Variants in PUS10 observed in about 807,000 individuals in gnomAD.
PUS10 encodes the protein tRNA pseudouridine synthase Pus10.
Under a neutral mutation model 75.0 loss-of-function variants are expected in PUS10, and 59 were observed. That is an observed-to-expected ratio of 0.79 (90% CI 0.64 to 0.98). PUS10 has a LOEUF of 0.98. Among genes scored for constraint, PUS10 ranks in the 50% least tolerant of loss-of-function variants. PUS10 has a pLI of 0.00. For missense variants in PUS10, 650 were observed against 614.4 expected (o/e 1.06, Z -0.61); for synonymous variants, 219 against 211.6 (o/e 1.03, Z -0.30).
rs892219486 is a variant in PUS10, at chr2:60,940,711, T to C, written c.*1684A>G. The C allele has an allele frequency of 6.6e-6, 1 of 152,324 alleles. No homozygotes were observed. Among genetic ancestry groups the C allele is most frequent in the Non-Finnish European group, 1.5e-5 (1 of 68,014 alleles). 9.4% of individuals were successfully genotyped at this position (152,324 alleles called of 1,614,324 possible). On this transcript the variant is annotated 3_prime_UTR_variant, in exon 18 of 18. Transcript: ENST00000316752. ...ATTCAAAGGTAAGCCAAAAATACCA[T>C]GCAAAAGACTGCCTCCTAAATTATT... is the stretch of plus-strand genomic sequence containing the variant.
chr2:60,989,095 C>T (rs766103831), intron 4 of PUS10, among the ~76,000 whole-genome samples: 4 of 152,118 alleles, frequency 2.6e-5, no homozygotes, highest in South Asian at 4.1e-4. Flanking sequence ...ACTTAGCAGA[C>T]ATCCCAAAAG....
Position 61,000,462 on chromosome 2 carries a change from A to G in PUS10, c.468+6095T>C, listed in dbSNP as rs1196625911. Among the ~76,000 whole-genome samples, 4 of 152,348 alleles carry G rather than the reference A, an allele frequency of 2.6e-5. No homozygotes were observed. In the East Asian group the frequency reaches 7.7e-4, roughly 29 times the overall value. Reference sequence around the variant, plus strand: ...TATCTTTAGGTCCCAGGTCTGACACAGGTCTCACTGGCTTAAAATCAAGGT... The same window carrying G: ...TATCTTTAGGTCCCAGGTCTGACACGGGTCTCACTGGCTTAAAATCAAGGT... On this transcript the variant is annotated intron_variant, in intron 4 of 17. Transcript: ENST00000316752.
At chr2:61,006,985 A>G (rs1434707087) in intron 3 of PUS10, among the ~76,000 whole-genome samples, 3 of 152,208 alleles carry the variant, frequency 2.0e-5, no homozygotes, top group Non-Finnish European at 4.4e-5. Flanking sequence ...GCAATCCCAC[A>G]TTCAATCATT....
intron 4 of PUS10, among the ~76,000 whole-genome samples, chr2:61,004,990 C>G (rs1406359639): frequency 6.6e-6 from 1 of 152,204 alleles, no homozygotes; most frequent in Non-Finnish European, 1.5e-5. Context: ...CACAGTGACT[C>G]ATGCCTGTAA....
At chr2:60,945,149 A>G (rs1363591022) in intron 16 of PUS10, 41 bp from the exon 17 acceptor site, 1 of 1,265,100 alleles carries the variant, frequency 7.9e-7, no homozygotes, top group South Asian at 1.2e-5. Context: ...AGCATGCTGT[A>G]CCAACTATTT....
At chr2:60,995,168 T>C (rs1010765197) in intron 4 of PUS10, among the ~76,000 whole-genome samples, 1 of 152,222 alleles carries the variant, frequency 6.6e-6, no homozygotes, top group Non-Finnish European at 1.5e-5. Context: ...AATGTGACCT[T>C]CAGCTTCAAT....
chr2:61,018,075 G>C lies in PUS10; in HGVS notation c.-83C>G. The C allele has an allele frequency of 6.7e-7, 1 of 1,503,538 alleles. No individual in the cohort carries two copies. The highest frequency in any genetic ancestry group is 8.9e-7 in the Non-Finnish European group (1 of 1,126,318). The allele number at this position is 1,503,538 out of a possible 1,614,324, so 93.1% of individuals were successfully genotyped here. On this transcript the variant is annotated 5_prime_UTR_variant, in exon 1 of 18. Coordinates refer to ENST00000316752, the MANE Select transcript of PUS10 (RefSeq NM_144709.4). ...GCTCTAATCAGCAACGTTTTTTTCG[G>C]GAGCTCCTGGGCGTCTCTCTGGGTC...
At chr2:61,010,272 C>T (rs1466960351) in intron 2 of PUS10, 1 of 155,354 alleles carries the variant, frequency 6.4e-6, no homozygotes, top group Non-Finnish European at 1.4e-5. Flanking sequence ...AATGAATATA[C>T]ACATATTTAA....
intron 17 of PUS10, among the ~76,000 whole-genome samples, chr2:60,943,583 G>A (rs569978090): frequency 1.3e-5 from 2 of 151,730 alleles, no homozygotes; most frequent in African/African-American, 2.4e-5. Context: ...GTCACTTCAC[G>A]TACTGGCTTC....
chr2:60,947,828 C>CAAAAAAAAAAAAAAAA (rs890632119), intron 16 of PUS10, among the ~76,000 whole-genome samples: 38 of 45,662 alleles, frequency 8.3e-4, no homozygotes, highest in East Asian at 1.1e-3. Context: ...GACTCTGCCT[C>CAAAAAAAAAAAAAAAA]AAAAAAAAAA....
At chr2:60,959,453 C>A (rs1417696357) in intron 11 of PUS10, among the ~76,000 whole-genome samples, 2 of 152,128 alleles carry the variant, frequency 1.3e-5, no homozygotes, top group Non-Finnish European at 2.9e-5. Flanking sequence ...TGCAGTAGTG[C>A]GAGCTCAGCA....
intron 15 of PUS10, among the ~76,000 whole-genome samples, chr2:60,950,212 G>T (rs1341423282): frequency 6.6e-6 from 1 of 152,110 alleles, no homozygotes; most frequent in Non-Finnish European, 1.5e-5. Flanking sequence ...TTTTATAAAT[G>T]ACTTTCTTTA....
chr2:60,996,687 C>A (rs1678484974), intron 4 of PUS10, among the ~76,000 whole-genome samples: 1 of 152,070 alleles, frequency 6.6e-6, no homozygotes, highest in East Asian at 1.9e-4. Context: ...AAATCACATA[C>A]CCCTACGAGA....
chr2:61,011,968 T>C, intron 1 of PUS10, 63 bp from the exon 2 acceptor site: 1 of 1,363,474 alleles, frequency 7.3e-7, no homozygotes, highest in South Asian at 1.4e-5. Flanking sequence ...AGACAAGTCA[T>C]CATGTTTAGG....
chr2:60,989,700 C>T (rs540588703), intron 4 of PUS10, among the ~76,000 whole-genome samples: 44 of 152,108 alleles, frequency 2.9e-4, no homozygotes, highest in African/African-American at 1.0e-3. Flanking sequence ...CTCACTGCAA[C>T]CTCCTCCTCC....
chr2:61,016,755 A>G (rs1355856167), intron 1 of PUS10, among the ~76,000 whole-genome samples: 1 of 152,164 alleles, frequency 6.6e-6, no homozygotes, highest in Non-Finnish European at 1.5e-5. Context: ...CGAAAACGAG[A>G]AAAGGGGCAG....
intron 4 of PUS10, among the ~76,000 whole-genome samples, chr2:60,973,057 G>A (rs914583477): frequency 3.3e-5 from 5 of 152,170 alleles, no homozygotes; most frequent in Admixed American, 6.5e-5. Context: ...CCACATCCCC[G>A]AGGCAGCCAA....
rs1487177850 is a variant in PUS10 at position 60,948,198 on chromosome 2, A to G, written c.1309-13T>C. ...CGATTTTTAAGTCCTAGGGGAGAAT[A>G]TGACACACAGTCCCAGAGTCAGAGC... is the stretch of plus-strand genomic sequence containing the variant. On this transcript the variant is annotated splice_polypyrimidine_tract_variant and intron_variant, in intron 15 of 17. Transcript: ENST00000316752. 3 of 1,613,694 alleles carry G rather than the reference A, an allele frequency of 1.9e-6. No individual in the cohort carries two copies. Among genetic ancestry groups the G allele is most frequent in the Non-Finnish European group, 1.7e-6 (2 of 1,179,752 alleles).
rs187909160 is a variant in PUS10, at chr2:60,953,201, T to G, written c.1191-87A>C. 1.4e-5 allele frequency: 10 copies of G among 728,470 alleles called. No homozygotes were observed. In the Admixed American group the frequency reaches 2.1e-4, roughly 15 times the overall value. 45.1% of individuals were successfully genotyped at this position (728,470 alleles called of 1,614,324 possible). A position where few individuals can be genotyped will look rare whatever the true frequency, so the allele number is the denominator to read the frequency against. On this transcript the variant is annotated intron_variant, in intron 14 of 17. Transcript: ENST00000316752. ...TGAATTAGCCTTTCTTTAAAAACAGTTTACATATAATTTCCCAGTTTTAAC... is the reference window on the plus strand; with the variant it reads ...TGAATTAGCCTTTCTTTAAAAACAGGTTACATATAATTTCCCAGTTTTAAC...
Sources: gnomAD v4.1 joint callset for allele counts (sites outside exome capture counted in the v4.1 genomes callset) on GRCh38, gnomAD v4.1.1 for gene constraint, MANE v1.5 for transcripts, NCBI Gene and HGNC (gene_info 2026-07-23, HGNC 2026-07-21) for gene names.